GABRG3: variants seen among roughly 807,000 people sequenced by gnomAD.
GABRG3 encodes gamma-aminobutyric acid receptor subunit gamma-3.
In GABRG3, 25 loss-of-function variants were observed where a neutral mutation model predicts 48.8. The ratio of observed to expected loss-of-function variants is 0.51; its 90% CI spans 0.37 to 0.72. The LOEUF (loss-of-function observed/expected upper bound fraction) is 0.72, where lower values mean the gene tolerates loss of function less well. Among genes scored for constraint, GABRG3 ranks in the 30% least tolerant of loss-of-function variants. The probability of loss-of-function intolerance (pLI) is 0.00; values close to 1 mark genes in which losing one functional copy is unlikely to be tolerated. For missense variants in GABRG3, 394 were observed against 577.9 expected, an observed-to-expected ratio of 0.68 and a Z score of 3.26; for synonymous variants, 227 against 217.6, an observed-to-expected ratio of 1.04 and a Z score of -0.38.
chr15:27,156,197 G>T (rs1898418950), intron 3 of GABRG3, among the ~76,000 whole-genome samples: 1 of 151,058 alleles, frequency 6.6e-6, no homozygotes, highest in Admixed American at 6.6e-5. Flanking sequence ...TACTTGGGAG[G>T]CTGAGGCAGG....
chr15:27,292,725 G>C (rs1005239150), intron 3 of GABRG3, among the ~76,000 whole-genome samples: 1 of 152,136 alleles, frequency 6.6e-6, no homozygotes, highest in Non-Finnish European at 1.5e-5. Flanking sequence ...CTGTGTCTGA[G>C]CAGACAGATG....
intron 6 of GABRG3, among the ~76,000 whole-genome samples, chr15:27,486,204 G>A (rs558724638): frequency 6.6e-6 from 1 of 152,124 alleles, no homozygotes; most frequent in Non-Finnish European, 1.5e-5. Context: ...GCTCCCTGAC[G>A]TCAGAGGAAG....
intron 9 of GABRG3, among the ~76,000 whole-genome samples, chr15:27,530,117 C>G (rs1595814572): frequency 6.6e-6 from 1 of 151,728 alleles, no homozygotes; most frequent in South Asian, 2.1e-4. Context: ...CAGAAATTGG[C>G]AGCCTCTGAG....
At chr15:26,995,399 T>G (rs1895321202) in intron 2 of GABRG3, among the ~76,000 whole-genome samples, 1 of 152,108 alleles carries the variant, frequency 6.6e-6, no homozygotes, top group African/African-American at 2.4e-5. Flanking sequence ...TTTATGCCCA[T>G]TCTCATAATT....
At chr15:27,216,744 T>TTA (rs1555410287) in intron 3 of GABRG3, among the ~76,000 whole-genome samples, 21,113 of 138,070 alleles carry the variant, frequency 0.15, 1,603 homozygotes, top group East Asian at 0.3. Flanking sequence ...TTTTTTTTTT[T>TTA]TTATTTTTTA....
intron 8 of GABRG3, 138 bp downstream of exon 8, chr15:27,527,767 C>A: frequency 2.0e-6 from 2 of 1,025,254 alleles, no homozygotes; most frequent in Non-Finnish European, 2.9e-6. Flanking sequence ...CTTTTCAAAA[C>A]CAGACAGGGA....
Position 27,248,341 on chromosome 15 carries a change from A to G in GABRG3, c.271-78468A>G, listed in dbSNP as rs191503631. On this transcript the variant is annotated intron_variant, in intron 3 of 9. Transcript: ENST00000615808. ...GTAGATCCCTGTTCCTAGGGCTCACAGCCACTTGTTTGTTTCCAGTGTGGC... is the reference window on the plus strand; with the variant it reads ...GTAGATCCCTGTTCCTAGGGCTCACGGCCACTTGTTTGTTTCCAGTGTGGC... Among the ~76,000 whole-genome samples, 387 of 152,286 alleles carry G rather than the reference A, an allele frequency of 2.5e-3. 2 individuals are homozygous for G. The highest frequency in any genetic ancestry group is 3.6e-3 in the Non-Finnish European group (243 of 68,030).
chr15:27,475,919 A>T (rs113604593), intron 5 of GABRG3, among the ~76,000 whole-genome samples: 17 of 152,168 alleles, frequency 1.1e-4, no homozygotes, highest in African/African-American at 3.6e-4. Flanking sequence ...AGTGATGATG[A>T]CACTGATGAT....
intron 2 of GABRG3, among the ~76,000 whole-genome samples, chr15:26,981,674 A>G (rs1429493323): frequency 6.6e-6 from 1 of 152,220 alleles, no homozygotes; most frequent in East Asian, 1.9e-4. Flanking sequence ...ACAGGCATGC[A>G]CTGGCCTTGT....
chr15:27,401,373 G>T (rs781175653), intron 5 of GABRG3, among the ~76,000 whole-genome samples: 6 of 152,044 alleles, frequency 3.9e-5, no homozygotes, highest in Non-Finnish European at 1.5e-5. Context: ...TTGCAAAAAG[G>T]CCCCAAGGTG....
At chr15:27,092,224 A>T (rs562588513) in intron 3 of GABRG3, among the ~76,000 whole-genome samples, 1 of 152,174 alleles carries the variant, frequency 6.6e-6, no homozygotes, top group Admixed American at 6.5e-5. Flanking sequence ...GTTATGACTC[A>T]GTTTACTAGT....
chr15:27,353,651 C>T (rs925696865), intron 5 of GABRG3, among the ~76,000 whole-genome samples: 1 of 151,960 alleles, frequency 6.6e-6, no homozygotes, highest in African/African-American at 2.4e-5. Flanking sequence ...GCCGTGTTGG[C>T]CAGGCTGGTC....
At position 27,001,486 on chromosome 15, in the gene GABRG3, T is replaced by A. The variant is rs189680260; in HGVS notation, c.202+24336T>A. Among the ~76,000 whole-genome samples the A allele has an allele frequency of 1.2e-4, 18 of 152,364 alleles. 1 individual carries two copies. The highest frequency in any genetic ancestry group is 3.6e-4 in the African/African-American group (15 of 41,598). ...TCATCAGTTGTTGGCCAATGATGGCTGCTTCTCTGCAGGTTAGCATTTGTG... is the reference window on the plus strand; with the variant it reads ...TCATCAGTTGTTGGCCAATGATGGCAGCTTCTCTGCAGGTTAGCATTTGTG... On this transcript the variant is annotated intron_variant, in intron 2 of 9. Coordinates refer to ENST00000615808, the MANE Select transcript of GABRG3 (RefSeq NM_033223.5).
chr15:27,110,893 G>C (rs1320195807), intron 3 of GABRG3, among the ~76,000 whole-genome samples: 3 of 152,126 alleles, frequency 2.0e-5, no homozygotes, highest in Non-Finnish European at 2.9e-5. Context: ...TTCCTGCTCA[G>C]TGTTTGATGA....
chr15:27,292,679 A>T (rs1891835506), intron 3 of GABRG3, among the ~76,000 whole-genome samples: 1 of 152,172 alleles, frequency 6.6e-6, no homozygotes, highest in Non-Finnish European at 1.5e-5. Flanking sequence ...AAAACAAAAA[A>T]TAATAATAAT....
intron 5 of GABRG3, among the ~76,000 whole-genome samples, chr15:27,414,977 C>T (rs1308031535): frequency 2.0e-5 from 3 of 151,964 alleles, no homozygotes; most frequent in Admixed American, 6.6e-5. Context: ...TTTTTATTTT[C>T]GGCATTTATC....
intron 3 of GABRG3, among the ~76,000 whole-genome samples, chr15:27,131,802 T>C (rs1897920615): frequency 6.6e-6 from 1 of 151,988 alleles, no homozygotes; most frequent in African/African-American, 2.4e-5. Context: ...TCACCAGTGT[T>C]TGTTATTTTT....
intron 5 of GABRG3, among the ~76,000 whole-genome samples, chr15:27,367,882 T>A (rs144171836): frequency 7.0e-4 from 106 of 152,312 alleles, no homozygotes; most frequent in Non-Finnish European, 1.3e-3. Flanking sequence ...ACCACTGTGA[T>A]AAGGTGTGTT....
rs112154577 is a variant in GABRG3, at chr15:27,207,393, A to G, written c.271-119416A>G. ...AGGTCCAAGGGAAATACTCCAAAGC[A>G]GTGGATTCCGAACTCAAGCCTTCCA... On this transcript the variant is annotated intron_variant, in intron 3 of 9. Transcript: ENST00000615808. Among the ~76,000 whole-genome samples the G allele has an allele frequency of 1.1e-3, 168 of 152,368 alleles. 3 individuals carry two copies. Among genetic ancestry groups the G allele is most frequent in the African/African-American group, 3.5e-3 (147 of 41,596 alleles).
Sources: gnomAD v4.1 joint callset for allele counts (sites outside exome capture counted in the v4.1 genomes callset) on GRCh38, gnomAD v4.1.1 for gene constraint, MANE v1.5 for transcripts, NCBI Gene and HGNC (gene_info 2026-07-23, HGNC 2026-07-21) for gene names.